SPATA16: variants seen among roughly 807,000 people sequenced by gnomAD.
The protein encoded by SPATA16 is spermatogenesis-associated protein 16.
SPATA16 carries 36 observed loss-of-function variants against 63.3 expected under a neutral mutation model. The ratio of observed to expected loss-of-function variants is 0.57; its 90% CI spans 0.44 to 0.75. SPATA16 has a LOEUF of 0.75. Ranked by LOEUF, SPATA16 falls within the 30% of genes least tolerant of loss-of-function variation. The pLI, the probability that SPATA16 is intolerant of heterozygous loss-of-function variation, is 0.00. For synonymous variants in SPATA16, 203 were observed against 216.7 expected (o/e 0.94, Z 0.56); for missense variants, 646 against 679.3 (o/e 0.95, Z 0.54).
intron 2 of SPATA16, among the ~76,000 whole-genome samples, chr3:173,111,989 A>T (rs754866668): frequency 6.6e-6 from 1 of 152,084 alleles, no homozygotes; most frequent in Non-Finnish European, 1.5e-5. Flanking sequence ...TGAGAGTATG[A>T]CCTCTCTGTT....
At chr3:172,964,278 T>A (rs900662557) in intron 5 of SPATA16, among the ~76,000 whole-genome samples, 2 of 152,170 alleles carry the variant, frequency 1.3e-5, no homozygotes, top group African/African-American at 4.8e-5. Flanking sequence ...CTTAGGTCAG[T>A]CTAGCTTATT....
chr3:172,987,395 G>C (rs909173761), intron 4 of SPATA16, among the ~76,000 whole-genome samples: 12 of 152,150 alleles, frequency 7.9e-5, no homozygotes, highest in African/African-American at 2.7e-4. Context: ...CCAGTGACCT[G>C]TCTCCTGTCC....
chr3:173,115,513 G>T (rs11919819), intron 2 of SPATA16, among the ~76,000 whole-genome samples: 25,841 of 152,076 alleles, frequency 0.17, 2,399 homozygotes, highest in East Asian at 0.31. Context: ...GTTCTTTTGG[G>T]GGTTTGTGGA....
rs28657939 is a variant in SPATA16, at chr3:173,115,717, A to G, written c.612+1403T>C. Reference sequence around the variant, plus strand: ...AGCACCTTTTAAAATATTTAGGGACACCATTGTCTGGTATCATCTATTAAT... The same window carrying G: ...AGCACCTTTTAAAATATTTAGGGACGCCATTGTCTGGTATCATCTATTAAT... On this transcript the variant is annotated intron_variant, in intron 2 of 10. Coordinates refer to ENST00000351008, the MANE Select transcript of SPATA16 (RefSeq NM_031955.6). Among the ~76,000 whole-genome samples the G allele has an allele frequency of 2.9e-3, 441 of 152,266 alleles. 2 individuals are homozygous for G. Among genetic ancestry groups the G allele is most frequent in the African/African-American group, 0.01 (424 of 41,542 alleles).
At chr3:173,064,045 G>A (rs1293361469) in intron 2 of SPATA16, among the ~76,000 whole-genome samples, 1 of 152,176 alleles carries the variant, frequency 6.6e-6, no homozygotes, top group African/African-American at 2.4e-5. Flanking sequence ...AGTGGCTCAT[G>A]CCTGTAATCC....
intron 4 of SPATA16, among the ~76,000 whole-genome samples, chr3:172,989,118 C>T (rs1298412446): frequency 6.6e-6 from 1 of 152,116 alleles, no homozygotes; most frequent in African/African-American, 2.4e-5. Context: ...TCTGCTTGTA[C>T]TAAAATCTTC....
Position 172,925,398 on chromosome 3 carries a change from A to G in SPATA16, c.1176T>C (p.Asp392=). 1 of 1,614,000 alleles carries G rather than the reference A, an allele frequency of 6.2e-7. No homozygotes were observed. Among genetic ancestry groups the G allele is most frequent in the Non-Finnish European group, 8.5e-7 (1 of 1,179,946 alleles). The change falls in exon 7 of 11, where the codon GAT becomes GAC. Residue 392 remains aspartate, a synonymous_variant. Coordinates refer to ENST00000351008, the MANE Select transcript of SPATA16 (RefSeq NM_031955.6). Reference sequence around the variant, plus strand: ...ATATTTTTTCCAAAAATTTTCCATCATCTTTGTTTTTGAACCCAAGAGTCA... The same window carrying G: ...ATATTTTTTCCAAAAATTTTCCATCGTCTTTGTTTTTGAACCCAAGAGTCA... The part of the protein sequence containing the change: ...YLLTLGFKNK[D]DGKFLEKISS...
intron 6 of SPATA16, among the ~76,000 whole-genome samples, chr3:172,950,752 A>G (rs1733410818): frequency 6.6e-6 from 1 of 152,146 alleles, no homozygotes. Context: ...ACAATATATT[A>G]TTTATGCGAA....
intron 8 of SPATA16, among the ~76,000 whole-genome samples, chr3:172,917,098 C>T (rs1331738613): frequency 6.6e-6 from 1 of 152,164 alleles, no homozygotes; most frequent in Non-Finnish European, 1.5e-5. Flanking sequence ...TGGACACAGA[C>T]TACTGTGTGC....
intron 1 of SPATA16, among the ~76,000 whole-genome samples, chr3:173,132,811 A>G (rs1214833333): frequency 5.9e-5 from 9 of 152,208 alleles, no homozygotes; most frequent in Non-Finnish European, 1.3e-4. Flanking sequence ...ATCAAATATA[A>G]AACGGATAGC....
chr3:172,913,275 C>T (rs947049835), intron 10 of SPATA16, among the ~76,000 whole-genome samples: 3 of 151,896 alleles, frequency 2.0e-5, no homozygotes, highest in Non-Finnish European at 4.4e-5. Context: ...TTTGTAGTTC[C>T]CTGAAATGTA....
At chr3:173,134,488 CAAAAAAG>C (rs1038417719) in intron 1 of SPATA16, among the ~76,000 whole-genome samples, 2 of 145,336 alleles carry the variant, frequency 1.4e-5, no homozygotes, top group African/African-American at 2.6e-5. Context: ...GACTCTGCCT[CAAAAAAG>C]AAAAAAAAAA....
chr3:172,913,592 C>T (rs763584654), intron 10 of SPATA16, 69 bp downstream of exon 10: 17 of 1,487,552 alleles, frequency 1.1e-5, no homozygotes, highest in Non-Finnish European at 1.6e-5. Flanking sequence ...ATCCTCCAAA[C>T]AGATTTGACC....
intron 6 of SPATA16, among the ~76,000 whole-genome samples, chr3:172,944,017 A>G (rs1250161444): frequency 1.3e-5 from 2 of 152,208 alleles, no homozygotes; most frequent in African/African-American, 4.8e-5. Flanking sequence ...AGGACAAATA[A>G]TGACAACAAA....
At chr3:173,047,667 G>A in intron 3 of SPATA16, among the ~76,000 whole-genome samples, 1 of 151,952 alleles carries the variant, frequency 6.6e-6, no homozygotes, top group Non-Finnish European at 1.5e-5. Flanking sequence ...TTGACATACT[G>A]AAATACACAT....
intron 6 of SPATA16, among the ~76,000 whole-genome samples, chr3:172,941,901 C>T (rs1019581425): frequency 3.3e-5 from 5 of 151,768 alleles, no homozygotes; most frequent in African/African-American, 9.7e-5. Context: ...TATTCTATGA[C>T]CTTTATCTTG....
intron 4 of SPATA16, among the ~76,000 whole-genome samples, chr3:173,010,846 T>G (rs1735055663): frequency 6.6e-6 from 1 of 152,034 alleles, no homozygotes; most frequent in Non-Finnish European, 1.5e-5. Flanking sequence ...GCCAGTGACC[T>G]GAGGCTGCCC....
At chr3:173,082,194 G>A (rs1449919269) in intron 2 of SPATA16, among the ~76,000 whole-genome samples, 2 of 152,060 alleles carry the variant, frequency 1.3e-5, no homozygotes, top group Non-Finnish European at 2.9e-5. Context: ...TCAAAGGAAG[G>A]CCCACATCCC....
chr3:172,993,554 A>G (rs977584978), intron 4 of SPATA16, among the ~76,000 whole-genome samples: 5 of 152,142 alleles, frequency 3.3e-5, no homozygotes, highest in African/African-American at 1.2e-4. Context: ...TAGAATCTGC[A>G]TTACTTTGCT....
Sources: gnomAD v4.1 joint callset for allele counts (sites outside exome capture counted in the v4.1 genomes callset) on GRCh38, gnomAD v4.1.1 for gene constraint, MANE v1.5 for transcripts, NCBI Gene and HGNC (gene_info 2026-07-23, HGNC 2026-07-21) for gene names.